Variants in ORC5 observed in about 807,000 individuals in gnomAD.
ORC5 encodes the protein origin recognition complex subunit 5.
ORC5 carries 39 observed loss-of-function variants against 58.8 expected under a neutral mutation model. The observed-to-expected ratio is 0.66, with a 90% CI of 0.51 to 0.87. ORC5 has a LOEUF of 0.87. Ranked by LOEUF, ORC5 falls within the 40% of genes least tolerant of loss-of-function variation. The probability of loss-of-function intolerance (pLI) is 0.00; values close to 1 mark genes in which losing one functional copy is unlikely to be tolerated. For synonymous variants in ORC5, 218 were observed against 177.6 expected, an observed-to-expected ratio of 1.23 and a Z score of -1.81; for missense variants, 493 against 506.3, an observed-to-expected ratio of 0.97 and a Z score of 0.25.
At chr7:104,149,568 A>G (rs2115803873) in intron 12 of ORC5, among the ~76,000 whole-genome samples, 1 of 152,310 alleles carries the variant, frequency 6.6e-6, no homozygotes, top group East Asian at 1.9e-4. Flanking sequence ...AAACTGTATT[A>G]AAAGTCAGTG....
chr7:104,148,441 C>G (rs1798795314), intron 12 of ORC5, among the ~76,000 whole-genome samples: 1 of 152,112 alleles, frequency 6.6e-6, no homozygotes. Context: ...AAGTAAGAAA[C>G]CCAGGAGAGC....
At chr7:104,130,968 C>G (rs181584885) in intron 13 of ORC5, among the ~76,000 whole-genome samples, 1 of 152,318 alleles carries the variant, frequency 6.6e-6, no homozygotes, top group Admixed American at 6.5e-5. Context: ...ACTTACCTGG[C>G]AAAACCCCAG....
At chr7:104,159,616 G>T (rs1798990906) in intron 12 of ORC5, among the ~76,000 whole-genome samples, 4 of 149,410 alleles carry the variant, frequency 2.7e-5, no homozygotes. Flanking sequence ...CCTTCACTGT[G>T]CCCCTCACAC....
In ORC5 at chr7:104,207,728, C is replaced by T. The variant is rs906121632; in HGVS notation, c.72+105G>A. The T allele has an allele frequency of 9.6e-6, 10 of 1,036,714 alleles. No homozygotes were observed. In the African/African-American group the frequency reaches 1.6e-4, roughly 16 times the overall value. 64.2% of individuals were successfully genotyped at this position (1,036,714 alleles called of 1,614,324 possible). A position where few individuals can be genotyped will look rare whatever the true frequency, so the allele number is the denominator to read the frequency against. ...ACACCCCTATTTAACGTAAAAACGG[C>T]CTTTTGGCCCTCAATCCAAACACGA... On this transcript the variant is annotated intron_variant, in intron 1 of 13. Transcript: ENST00000297431.
chr7:104,201,873 T>C (rs887103812), intron 2 of ORC5, among the ~76,000 whole-genome samples: 2 of 152,006 alleles, frequency 1.3e-5, no homozygotes, highest in South Asian at 4.2e-4. Context: ...GAGGATCATT[T>C]GACCCCTGGA....
intron 8 of ORC5, 36 bp downstream of exon 8, chr7:104,183,907 T>C: frequency 7.6e-7 from 1 of 1,310,394 alleles, no homozygotes; most frequent in Non-Finnish European, 1.1e-6. Context: ...CAAATAAAGA[T>C]ATAAAAACTA....
intron 12 of ORC5, among the ~76,000 whole-genome samples, chr7:104,141,589 T>C (rs1213777609): frequency 1.3e-5 from 2 of 152,160 alleles, no homozygotes; most frequent in Non-Finnish European, 2.9e-5. Flanking sequence ...TTTATAACTA[T>C]AAATGAGCAC....
intron 10 of ORC5, among the ~76,000 whole-genome samples, chr7:104,166,039 T>TAA (rs71154393): frequency 1.3e-5 from 2 of 150,054 alleles, no homozygotes; most frequent in Admixed American, 6.6e-5. Flanking sequence ...CTCAAAAAAA[T>TAA]AAAAAAAAAT....
intron 13 of ORC5, among the ~76,000 whole-genome samples, chr7:104,130,473 C>G (rs1229148198): frequency 1.3e-5 from 2 of 152,158 alleles, no homozygotes; most frequent in Non-Finnish European, 2.9e-5. Flanking sequence ...ACAGTTCTGT[C>G]AGGTGGGGCT....
chr7:104,197,716 A>C lies in ORC5; in HGVS notation c.441+9T>G. ...TTGTGGGGAGAAAGCACTTTCTCAC[A>C]TTACTTACCAATTCTTGTAATCTAA... On this transcript the variant is annotated intron_variant, in intron 4 of 13. Coordinates refer to ENST00000297431, the MANE Select transcript of ORC5 (RefSeq NM_002553.4). 1 of 1,581,436 alleles carries C rather than the reference A, an allele frequency of 6.3e-7. No homozygotes were observed.
At chr7:104,189,245 G>C (rs955798158) in intron 5 of ORC5, among the ~76,000 whole-genome samples, 1 of 151,948 alleles carries the variant, frequency 6.6e-6, no homozygotes, top group Non-Finnish European at 1.5e-5. Context: ...TGCATGGCTG[G>C]GGAGGCCTCA....
At chr7:104,207,744 C>G in intron 1 of ORC5, 89 bp downstream of exon 1, 1 of 1,319,610 alleles carries the variant, frequency 7.6e-7, no homozygotes, top group Non-Finnish European at 1.1e-6. Context: ...GGCCCTCAAT[C>G]CAAACACGAA....
intron 4 of ORC5, among the ~76,000 whole-genome samples, chr7:104,195,957 T>G (rs1799791318): frequency 6.6e-6 from 1 of 152,086 alleles, no homozygotes; most frequent in Non-Finnish European, 1.5e-5. Flanking sequence ...TAAACTTCCC[T>G]TTACTTAGAT....
At chr7:104,150,785 C>A (rs1205188544) in intron 12 of ORC5, among the ~76,000 whole-genome samples, 5 of 152,056 alleles carry the variant, frequency 3.3e-5, no homozygotes, top group Non-Finnish European at 2.9e-5. Context: ...GCAAGAGATA[C>A]AAAAATGAAC....
rs1274963024 is a variant in ORC5, at chr7:104,166,994, C to A, written c.878-110G>T. 4.8e-6 allele frequency: 3 copies of A among 619,632 alleles called. No homozygotes were observed. The East Asian group carries it at 7.9e-5, about 16-fold the overall frequency. The allele number at this position is 619,632 out of a possible 1,614,324, so 38.4% of individuals were successfully genotyped here. On this transcript the variant is annotated intron_variant, in intron 9 of 13. Coordinates refer to ENST00000297431, the MANE Select transcript of ORC5 (RefSeq NM_002553.4). Reference sequence around the variant, plus strand: ...ATATGGTATTCTCTAGTCAAAATGACCTATTTCCTTATTTTAAAAAGTGTC... The same window carrying A: ...ATATGGTATTCTCTAGTCAAAATGAACTATTTCCTTATTTTAAAAAGTGTC...
rs568655399 is a variant in ORC5, at chr7:104,200,877, G to C, written c.247C>G (p.Leu83Val). ...LEQILNKLNH[L>V]SSSEDGCSTE... ...GAACATCCATCCTCTGAAGAACTAA[G>C]ATGATTCAATTTGTTTAAAATTTGT... is the stretch of plus-strand genomic sequence containing the variant. The change falls in exon 3 of 14, where the codon CTT becomes GTT. Residue 83 changes from leucine (L) to valine (V), a missense_variant. Transcript: ENST00000297431. The C allele has an allele frequency of 1.2e-4, 192 of 1,613,316 alleles. 1 individual carries two copies. The South Asian group carries it at 2.0e-3, about 17-fold the overall frequency.
chr7:104,135,467 T>A lies in ORC5; in HGVS notation c.1262+1314A>T, dbSNP rs540589170. ...CATATTATCACAGAACTTAAAAACA[T>A]TTTTTATAGAGACGGGGGTCTCACT... On this transcript the variant is annotated intron_variant, in intron 13 of 13. Coordinates refer to ENST00000297431, the MANE Select transcript of ORC5 (RefSeq NM_002553.4). Among the ~76,000 whole-genome samples, 14 of 152,274 alleles carry A rather than the reference T, an allele frequency of 9.2e-5. 1 individual carries two copies. The South Asian group carries it at 2.9e-3, about 32-fold the overall frequency.
intron 4 of ORC5, among the ~76,000 whole-genome samples, chr7:104,197,048 G>A (rs1019461659): frequency 1.3e-5 from 2 of 152,084 alleles, no homozygotes; most frequent in African/African-American, 4.8e-5. Flanking sequence ...TTCTTATTGG[G>A]CCATGACATT....
intron 4 of ORC5, among the ~76,000 whole-genome samples, chr7:104,196,369 T>G (rs1159899001): frequency 6.6e-6 from 1 of 152,110 alleles, no homozygotes; most frequent in Non-Finnish European, 1.5e-5. Flanking sequence ...AAATAGGAAA[T>G]GAGTAGACAT....
Sources: allele counts gnomAD v4.1 joint callset (sites outside exome capture counted in the v4.1 genomes callset), GRCh38; gene constraint gnomAD v4.1.1; transcripts MANE v1.5; gene names NCBI Gene and HGNC (gene_info 2026-07-23, HGNC 2026-07-21).